ARHGAP42: variants seen among roughly 807,000 people sequenced by gnomAD.
The protein encoded by ARHGAP42 is Rho GTPase activating protein 42, also known as rho GTPase-activating protein 42.
ARHGAP42 carries 63 observed loss-of-function variants against 125.0 expected under a neutral mutation model. The observed-to-expected ratio is 0.50, with a 90% confidence interval of 0.41 to 0.62. The LOEUF (loss-of-function observed/expected upper bound fraction) is 0.62. ARHGAP42 is among the 20% of genes least tolerant of loss of function. The pLI, the probability that ARHGAP42 is intolerant of heterozygous loss-of-function variation, is 0.00. For missense variants in ARHGAP42, 766 were observed against 1,024.2 expected (o/e 0.75, Z 3.44); for synonymous variants, 339 against 351.0 (o/e 0.97, Z 0.38).
chr11:100,971,091 A>G (rs1325942378), intron 17 of ARHGAP42, among the ~76,000 whole-genome samples: 2 of 152,288 alleles, frequency 1.3e-5, no homozygotes, highest in Middle Eastern at 3.4e-3. Flanking sequence ...GGTGGAAGAA[A>G]GAGGGAGCCA....
At chr11:100,796,519 G>A (rs767231961) in intron 3 of ARHGAP42, among the ~76,000 whole-genome samples, 2 of 152,150 alleles carry the variant, frequency 1.3e-5, no homozygotes, top group Non-Finnish European at 2.9e-5. Context: ...AGTGAAGAAG[G>A]CATGTCAAAA....
chr11:100,762,970 ATTTTTTTTTTTT>A (rs553749625), intron 1 of ARHGAP42, among the ~76,000 whole-genome samples: 6 of 84,990 alleles, frequency 7.1e-5, no homozygotes, highest in South Asian at 4.0e-4. Flanking sequence ...GTTTATAGTG[ATTTTTTTTTTTT>A]TTTTTTTTTT....
intron 10 of ARHGAP42, among the ~76,000 whole-genome samples, chr11:100,946,711 A>G (rs1354287678): frequency 6.6e-6 from 1 of 152,072 alleles, no homozygotes; most frequent in East Asian, 1.9e-4. Flanking sequence ...ACCCCAAAAT[A>G]ATGACAATAG....
chr11:100,982,825 A>G (rs1282309157), intron 22 of ARHGAP42, among the ~76,000 whole-genome samples: 1 of 152,234 alleles, frequency 6.6e-6, no homozygotes, highest in Non-Finnish European at 1.5e-5. Flanking sequence ...AAAGCTCAAC[A>G]AAGTTACCTT....
At chr11:100,754,408 A>G (rs1419410847) in intron 1 of ARHGAP42, among the ~76,000 whole-genome samples, 1 of 152,202 alleles carries the variant, frequency 6.6e-6, no homozygotes, top group Non-Finnish European at 1.5e-5. Context: ...TTACTTTATG[A>G]TTCTCAGAAA....
At chr11:100,801,275 G>A (rs1172382544) in intron 3 of ARHGAP42, among the ~76,000 whole-genome samples, 1 of 152,050 alleles carries the variant, frequency 6.6e-6, no homozygotes, top group Non-Finnish European at 1.5e-5. Flanking sequence ...TAGTGTACCA[G>A]GAAATTGTAA....
chr11:100,924,407 C>T (rs1867362761), intron 6 of ARHGAP42, among the ~76,000 whole-genome samples: 1 of 152,158 alleles, frequency 6.6e-6, no homozygotes, highest in South Asian at 2.1e-4. Flanking sequence ...TGGCTCATGC[C>T]TGTAATCCCA....
intron 1 of ARHGAP42, among the ~76,000 whole-genome samples, chr11:100,725,413 C>T (rs1861837115): frequency 6.6e-6 from 1 of 151,796 alleles, no homozygotes; most frequent in African/African-American, 2.4e-5. Flanking sequence ...TTGTGATCTG[C>T]CCACCTCGGC....
intron 17 of ARHGAP42, among the ~76,000 whole-genome samples, chr11:100,966,627 C>G (rs1858101837): frequency 6.6e-6 from 1 of 152,044 alleles, no homozygotes; most frequent in South Asian, 2.1e-4. Context: ...AACAAAATAC[C>G]TTAATAGAAA....
chr11:100,827,699 G>A (rs1378368663), intron 3 of ARHGAP42, among the ~76,000 whole-genome samples: 1 of 152,214 alleles, frequency 6.6e-6, no homozygotes, highest in Non-Finnish European at 1.5e-5. Context: ...AGTTGTGGAG[G>A]CCTACTAAGG....
At position 100,696,501 on chromosome 11, in the gene ARHGAP42, G is replaced by A. The variant is rs373468132; in HGVS notation, c.154+8669G>A. On this transcript the variant is annotated intron_variant, in intron 1 of 23. Transcript: ENST00000298815. ...CCTGAGTAGCTGGGATTATAGGTGTGCACCACCACGCCCAGATAATTTTTT... is the reference window on the plus strand; with the variant it reads ...CCTGAGTAGCTGGGATTATAGGTGTACACCACCACGCCCAGATAATTTTTT... 6.6e-5 allele frequency among the ~76,000 whole-genome samples: 10 copies of A among 151,724 alleles called. No individual in the cohort carries two copies. In the East Asian group the frequency reaches 1.6e-3, roughly 24 times the overall value.
chr11:100,724,577 G>A (rs1017034240), intron 1 of ARHGAP42, among the ~76,000 whole-genome samples: 1 of 152,036 alleles, frequency 6.6e-6, no homozygotes, highest in African/African-American at 2.4e-5. Flanking sequence ...TTTCATCTAA[G>A]TTTTCATATT....
At chr11:100,744,918 A>AG (rs1186103819) in intron 1 of ARHGAP42, among the ~76,000 whole-genome samples, 3 of 152,198 alleles carry the variant, frequency 2.0e-5, no homozygotes, top group African/African-American at 7.2e-5. Flanking sequence ...GACAAGGGAC[A>AG]GGGGAGTTCT....
chr11:100,695,074 C>T (rs1217684749), intron 1 of ARHGAP42, among the ~76,000 whole-genome samples: 1 of 152,158 alleles, frequency 6.6e-6, no homozygotes. Flanking sequence ...GCACCTGGAT[C>T]TGGAAGGCAC....
chr11:100,965,698 A>T lies in ARHGAP42; in HGVS notation c.1472A>T (p.Glu491Val). The T allele has an allele frequency of 6.4e-7, 1 of 1,550,748 alleles. No homozygotes were observed. Among genetic ancestry groups the T allele is most frequent in the Non-Finnish European group, 8.7e-7 (1 of 1,146,902 alleles). The change falls in exon 17 of 24, where the codon GAG becomes GTG. Residue 491 changes from glutamate to valine, a missense_variant. Glu to Val is a moderately radical substitution (Grantham distance 121, BLOSUM62 -2). Around this residue, in one of 3 missense-constraint regions of ARHGAP42, gnomAD observed 455 missense variants for 636.5 expected, o/e 0.71. Coordinates refer to ENST00000298815, the MANE Select transcript of ARHGAP42 (RefSeq NM_152432.4). ...VKSDDQNYRV[E>V]AVHALVHKLP... is the part of the protein sequence containing the mutation. ...TCTGATGATCAAAACTACAGGGTGGAGGCTGTACATGCATTGGTGCACAAA... is the reference window on the plus strand; with the variant it reads ...TCTGATGATCAAAACTACAGGGTGGTGGCTGTACATGCATTGGTGCACAAA...
chr11:100,796,776 T>C (rs2135035507), intron 3 of ARHGAP42, among the ~76,000 whole-genome samples: 1 of 149,886 alleles, frequency 6.7e-6, no homozygotes, highest in East Asian at 1.9e-4. Flanking sequence ...TTCTTTTTTT[T>C]TTTTTTTTTT....
At chr11:100,827,057 G>A (rs1864535328) in intron 3 of ARHGAP42, among the ~76,000 whole-genome samples, 1 of 123,708 alleles carries the variant, frequency 8.1e-6, no homozygotes, top group Admixed American at 1.1e-4. Flanking sequence ...AGGCTAGACT[G>A]CAGTGGCGTT....
intron 3 of ARHGAP42, among the ~76,000 whole-genome samples, chr11:100,818,685 A>G (rs867310563): frequency 6.6e-6 from 1 of 152,166 alleles, no homozygotes; most frequent in South Asian, 2.1e-4. Flanking sequence ...GCTTGTTTGT[A>G]AACAGGGCAG....
At chr11:100,831,235 C>G (rs1271372224) in intron 3 of ARHGAP42, among the ~76,000 whole-genome samples, 1 of 151,998 alleles carries the variant, frequency 6.6e-6, no homozygotes, top group Non-Finnish European at 1.5e-5. Flanking sequence ...GAGGAGTGGA[C>G]CTTGTAAAGG....
Sources: gnomAD v4.1 joint callset for allele counts (sites outside exome capture counted in the v4.1 genomes callset) on GRCh38, gnomAD v4.1.1 for gene constraint, gnomAD v4.1.1 regional missense constraint, MANE v1.5 for transcripts, NCBI Gene and HGNC (gene_info 2026-07-23, HGNC 2026-07-21) for gene names.